Variants in TOX observed in about 807,000 individuals in gnomAD.
The protein encoded by TOX is thymocyte selection-associated high mobility group box protein TOX.
A neutral mutation model predicts 53.7 loss-of-function variants in TOX; 11 were observed. The ratio of observed to expected loss-of-function variants is 0.20; its 90% CI spans 0.13 to 0.34. TOX has a LOEUF of 0.34. Among genes scored for constraint, TOX ranks in the 10% least tolerant of loss-of-function variants. The probability of loss-of-function intolerance (pLI) is 1.00; values close to 1 mark genes in which losing one functional copy is unlikely to be tolerated. For missense variants in TOX, 570 were observed against 664.6 expected (o/e 0.86, Z 1.56); for synonymous variants, 225 against 245.3 (o/e 0.92, Z 0.77).
At chr8:58,927,598 G>A (rs919215756) in intron 3 of TOX, among the ~76,000 whole-genome samples, 1 of 152,190 alleles carries the variant, frequency 6.6e-6, no homozygotes, top group Admixed American at 6.5e-5. Flanking sequence ...CCCAGGACTT[G>A]GCAAGAGTCG....
chr8:58,829,976 G>C (rs749288806), intron 5 of TOX, among the ~76,000 whole-genome samples: 1 of 152,166 alleles, frequency 6.6e-6, no homozygotes, highest in Non-Finnish European at 1.5e-5. Flanking sequence ...CCATGAGCAA[G>C]TGCACAGACC....
intron 1 of TOX, among the ~76,000 whole-genome samples, chr8:59,054,603 C>A (rs545507550): frequency 2.6e-5 from 4 of 151,892 alleles, no homozygotes; most frequent in African/African-American, 9.7e-5. Flanking sequence ...TTTCCAGGAA[C>A]AACAATTAAA....
chr8:59,093,687 G>A (rs1469531789), intron 1 of TOX, among the ~76,000 whole-genome samples: 1 of 152,160 alleles, frequency 6.6e-6, no homozygotes, highest in Admixed American at 6.5e-5. Flanking sequence ...GAAGCTGTTT[G>A]CTTGAAAATA....
At chr8:58,996,919 C>G (rs1813570508) in intron 1 of TOX, among the ~76,000 whole-genome samples, 2 of 152,204 alleles carry the variant, frequency 1.3e-5, no homozygotes, top group South Asian at 4.1e-4. Context: ...ATTTCAGCCT[C>G]CTCTATTGGA....
At chr8:58,954,057 A>G (rs930939084) in intron 2 of TOX, among the ~76,000 whole-genome samples, 2 of 152,160 alleles carry the variant, frequency 1.3e-5, no homozygotes, top group Non-Finnish European at 2.9e-5. Context: ...AGAAATTTGG[A>G]GCACACTACT....
At chr8:59,085,918 A>G (rs1326315624) in intron 1 of TOX, among the ~76,000 whole-genome samples, 1 of 151,520 alleles carries the variant, frequency 6.6e-6, no homozygotes, top group Non-Finnish European at 1.5e-5. Flanking sequence ...TTCAGGGTGA[A>G]TCAAACCATT....
At chr8:58,997,252 G>C (rs1271189483) in intron 1 of TOX, among the ~76,000 whole-genome samples, 1 of 151,924 alleles carries the variant, frequency 6.6e-6, no homozygotes, top group Non-Finnish European at 1.5e-5. Flanking sequence ...TAGAACAGGT[G>C]GGGGCTTACT....
At chr8:58,868,045 G>A (rs1270688607) in intron 3 of TOX, among the ~76,000 whole-genome samples, 1 of 152,184 alleles carries the variant, frequency 6.6e-6, no homozygotes, top group African/African-American at 2.4e-5. Context: ...GGAGGGGCCT[G>A]GTGGGATATA....
In TOX at chr8:58,805,484, G is replaced by A. The variant is rs531361169; in HGVS notation, c.*2263C>T. Reference sequence around the variant, plus strand: ...TTTACATTTGTTTTTACTGTATTTGGTATTGAATTTCAACACTCTCTACCC... The same window carrying A: ...TTTACATTTGTTTTTACTGTATTTGATATTGAATTTCAACACTCTCTACCC... On this transcript the variant is annotated 3_prime_UTR_variant, in exon 9 of 9. Coordinates refer to ENST00000361421, the MANE Select transcript of TOX (RefSeq NM_014729.3). The A allele has an allele frequency of 6.6e-6, 1 of 152,506 alleles. No homozygotes were observed. The highest frequency in any genetic ancestry group is 2.4e-5 in the African/African-American group (1 of 41,506). 9.4% of individuals were successfully genotyped at this position (152,506 alleles called of 1,614,324 possible).
chr8:59,049,498 C>T (rs576451056), intron 1 of TOX, among the ~76,000 whole-genome samples: 1 of 152,152 alleles, frequency 6.6e-6, no homozygotes, highest in Admixed American at 6.5e-5. Context: ...ATCATATCTA[C>T]AATACATCAA....
intron 1 of TOX, among the ~76,000 whole-genome samples, chr8:59,099,774 A>G (rs1361450891): frequency 1.3e-5 from 2 of 152,218 alleles, no homozygotes; most frequent in Admixed American, 6.5e-5. Context: ...TTGTAATGTA[A>G]TTACAGTTTG....
intron 3 of TOX, among the ~76,000 whole-genome samples, chr8:58,907,112 C>T (rs947449680): frequency 9.2e-5 from 14 of 152,174 alleles, no homozygotes; most frequent in Admixed American, 3.9e-4. Context: ...AAGGTTTCTC[C>T]GACTTCTCCA....
At chr8:59,070,956 A>G (rs757732713) in intron 1 of TOX, among the ~76,000 whole-genome samples, 8 of 152,196 alleles carry the variant, frequency 5.3e-5, no homozygotes, top group Non-Finnish European at 7.3e-5. Flanking sequence ...TCACAGAAAA[A>G]GCTAGCAATA....
intron 3 of TOX, among the ~76,000 whole-genome samples, chr8:58,867,326 T>C (rs972026244): frequency 6.6e-6 from 1 of 152,222 alleles, no homozygotes; most frequent in African/African-American, 2.4e-5. Flanking sequence ...ATTTGGCTTA[T>C]GTTCCTGGCC....
At position 58,812,587 on chromosome 8, in the gene TOX, T is replaced by C. The variant is rs530181029; in HGVS notation, c.1392+2751A>G. Among the ~76,000 whole-genome samples the C allele has an allele frequency of 1.5e-3, 230 of 152,346 alleles. 1 individual carries two copies. The highest frequency in any genetic ancestry group is 2.2e-3 in the Non-Finnish European group (147 of 68,038). On this transcript the variant is annotated intron_variant, in intron 7 of 8. Transcript: ENST00000361421. ...CCTTGTCCATCCTAGCTAAAGGCTC[T>C]GTCCTTCCTGCATGCACCCTGAAAG...
At chr8:59,001,168 T>C (rs897339650) in intron 1 of TOX, among the ~76,000 whole-genome samples, 1 of 152,170 alleles carries the variant, frequency 6.6e-6, no homozygotes, top group East Asian at 1.9e-4. Context: ...TCCCTGCCAA[T>C]GTGGCAGGAA....
At chr8:58,975,143 T>C (rs1813068276) in intron 1 of TOX, among the ~76,000 whole-genome samples, 1 of 151,566 alleles carries the variant, frequency 6.6e-6, no homozygotes, top group African/African-American at 2.4e-5. Flanking sequence ...ATTTTACAGA[T>C]ATATATTATT....
intron 1 of TOX, among the ~76,000 whole-genome samples, chr8:59,098,421 C>G (rs1040561555): frequency 6.6e-6 from 1 of 151,220 alleles, no homozygotes; most frequent in Non-Finnish European, 1.5e-5. Flanking sequence ...CAAGAATAAA[C>G]TTCTTTTTTT....
chr8:58,891,337 T>C (rs1811558137), intron 3 of TOX, among the ~76,000 whole-genome samples: 1 of 151,868 alleles, frequency 6.6e-6, no homozygotes, highest in Non-Finnish European at 1.5e-5. Context: ...AAAAAGGGAA[T>C]AAAAGAAAAT....
Sources: gnomAD v4.1 joint callset for allele counts (sites outside exome capture counted in the v4.1 genomes callset) on GRCh38, gnomAD v4.1.1 for gene constraint, MANE v1.5 for transcripts, NCBI Gene and HGNC (gene_info 2026-07-23, HGNC 2026-07-21) for gene names.